AK4: variants seen among roughly 807,000 people sequenced by gnomAD.
AK4 encodes the protein adenylate kinase 4, mitochondrial.
Under a neutral mutation model 24.6 loss-of-function variants are expected in AK4, and 13 were observed. That is an observed-to-expected ratio of 0.53 (90% CI 0.34 to 0.84). The LOEUF (loss-of-function observed/expected upper bound fraction) is 0.84. Among genes scored for constraint, AK4 ranks in the 40% least tolerant of loss-of-function variants. The pLI is 0.01. For synonymous variants in AK4, 88 were observed against 107.0 expected (o/e 0.82, Z 1.10); for missense variants, 192 against 288.2 (o/e 0.67, Z 2.42).
chr1:65,148,187 G>T, upstream of AK4: 1 of 955,348 alleles, frequency 1.0e-6, no homozygotes, highest in Non-Finnish European at 1.5e-6. Flanking sequence ...GGGCGGGGAG[G>T]TGTAGCGTGG....
chr1:65,177,014 A>T (rs1650740525), intron 1 of AK4, among the ~76,000 whole-genome samples: 1 of 152,224 alleles, frequency 6.6e-6, no homozygotes, highest in Non-Finnish European at 1.5e-5. Context: ...TTCGAGCTCA[A>T]ATCTAGGTTA....
In AK4 at chr1:65,230,802, T is replaced by TG. The variant is rs1464523139; in HGVS notation, c.*4626dup. The TG allele has an allele frequency of 6.6e-6, 1 of 152,230 alleles. No homozygotes were observed. Among genetic ancestry groups the TG allele is most frequent in the Non-Finnish European group, 1.5e-5 (1 of 68,044 alleles). 9.4% of individuals were successfully genotyped at this position (152,230 alleles called of 1,614,324 possible). A position where few individuals can be genotyped will look rare whatever the true frequency, so the allele number is the denominator to read the frequency against. On this transcript the variant is annotated 3_prime_UTR_variant, in exon 5 of 5. Coordinates refer to ENST00000327299, the MANE Select transcript of AK4 (RefSeq NM_013410.4). ...GGGCACTCAGAGTCACACTGGTAGTTGCACACTGTATCTACAGAGGGCGTG... is the reference window on the plus strand; with the variant it reads ...GGGCACTCAGAGTCACACTGGTAGTTGGCACACTGTATCTACAGAGGGCGTG...
intron 1 of AK4, among the ~76,000 whole-genome samples, chr1:65,178,856 G>T (rs1314011908): frequency 6.6e-6 from 1 of 152,158 alleles, no homozygotes; most frequent in Non-Finnish European, 1.5e-5. Flanking sequence ...GGAAATGAGG[G>T]TGGGAGGTGA....
At chr1:65,198,604 G>A (rs1283803521) in intron 2 of AK4, among the ~76,000 whole-genome samples, 1 of 152,100 alleles carries the variant, frequency 6.6e-6, no homozygotes, top group African/African-American at 2.4e-5. Context: ...TGTTCCAAGA[G>A]GTAAGTGGAA....
chr1:65,152,455 T>C (rs989508647), intron 1 of AK4, among the ~76,000 whole-genome samples: 10 of 128,472 alleles, frequency 7.8e-5, no homozygotes, highest in Non-Finnish European at 1.4e-4. Context: ...CAGGCCGGAG[T>C]GCAGTGGCAC....
chr1:65,219,831 C>G (rs893487289), intron 3 of AK4, among the ~76,000 whole-genome samples: 6 of 152,156 alleles, frequency 3.9e-5, no homozygotes, highest in Admixed American at 1.3e-4. Context: ...ATTTTTCCAT[C>G]ATTACTGCAT....
chr1:65,153,236 C>T (rs1649860594), intron 1 of AK4, among the ~76,000 whole-genome samples: 1 of 152,206 alleles, frequency 6.6e-6, no homozygotes, highest in Non-Finnish European at 1.5e-5. Flanking sequence ...GCCACATGTA[C>T]ATCTGAATCT....
chr1:65,173,053 AG>A (rs1451405309), intron 1 of AK4, among the ~76,000 whole-genome samples: 6 of 151,936 alleles, frequency 3.9e-5, no homozygotes, highest in Admixed American at 3.3e-4. Flanking sequence ...TAGTGGAGAC[AG>A]GGTTTCACCA....
intron 1 of AK4, among the ~76,000 whole-genome samples, chr1:65,170,097 C>G (rs574844061): frequency 3.3e-5 from 5 of 152,106 alleles, no homozygotes; most frequent in Non-Finnish European, 5.9e-5. Context: ...TCAGTTTTGG[C>G]CAGGCGTGGT....
intron 2 of AK4, among the ~76,000 whole-genome samples, chr1:65,191,550 T>C (rs1222537683): frequency 2.0e-5 from 3 of 151,576 alleles, no homozygotes; most frequent in African/African-American, 7.3e-5. Flanking sequence ...AGGTAGGTTT[T>C]TTTTTTTCAG....
intron 3 of AK4, among the ~76,000 whole-genome samples, chr1:65,222,663 T>C (rs1386243442): frequency 1.3e-5 from 2 of 152,244 alleles, no homozygotes; most frequent in Non-Finnish European, 2.9e-5. Context: ...CCATCTCTCT[T>C]GTCATGTTGG....
chr1:65,149,249 C>T (rs892408759), intron 1 of AK4: 1 of 152,340 alleles, frequency 6.6e-6, no homozygotes, highest in Non-Finnish European at 1.5e-5. Context: ...TGCAGCTTTC[C>T]TGGAAATGGC....
At chr1:65,177,801 C>T (rs1195503815) in intron 1 of AK4, among the ~76,000 whole-genome samples, 3 of 152,110 alleles carry the variant, frequency 2.0e-5, no homozygotes, top group Middle Eastern at 3.2e-3. Flanking sequence ...ACTGAAGCAA[C>T]GGTTGTGAGA....
At chr1:65,176,632 C>T (rs990331741) in intron 1 of AK4, among the ~76,000 whole-genome samples, 2 of 152,166 alleles carry the variant, frequency 1.3e-5, no homozygotes, top group East Asian at 1.9e-4. Flanking sequence ...GTCCTCTACC[C>T]TTCACACAAG....
Position 65,198,697 on chromosome 1 carries a change from C to T in AK4, c.265+7868C>T, listed in dbSNP as rs147156730. 9.5e-3 allele frequency among the ~76,000 whole-genome samples: 1,439 copies of T among 150,894 alleles called. 11 individuals carry two copies. The highest frequency in any genetic ancestry group is 0.018 in the Middle Eastern group (5 of 284). ...GGGTGTGTGTTTAGATTAGTCTTAG[C>T]GCTACATTTTTGGAAACTCTATCCA... On this transcript the variant is annotated intron_variant, in intron 2 of 4. Coordinates refer to ENST00000327299, the MANE Select transcript of AK4 (RefSeq NM_013410.4).
intron 1 of AK4, among the ~76,000 whole-genome samples, chr1:65,189,860 A>G (rs753333431): frequency 1.3e-5 from 2 of 152,228 alleles, no homozygotes; most frequent in Non-Finnish European, 2.9e-5. Flanking sequence ...TTGGCATTCC[A>G]CTAACAACAC....
intron 1 of AK4, among the ~76,000 whole-genome samples, chr1:65,177,161 T>C (rs990504246): frequency 5.9e-5 from 9 of 152,156 alleles, no homozygotes; most frequent in African/African-American, 2.2e-4. Flanking sequence ...ATGAGCTAAA[T>C]ATTGCAGACT....
intron 2 of AK4, among the ~76,000 whole-genome samples, chr1:65,213,691 A>G (rs1652039772): frequency 6.6e-6 from 1 of 152,116 alleles, no homozygotes; most frequent in African/African-American, 2.4e-5. Context: ...TTAATCCTCA[A>G]ACTGCCCTGT....
At chr1:65,161,942 C>A (rs762258641) in intron 1 of AK4, among the ~76,000 whole-genome samples, 3 of 152,080 alleles carry the variant, frequency 2.0e-5, no homozygotes, top group Non-Finnish European at 2.9e-5. Flanking sequence ...GGGTAGGAGT[C>A]AGGCGTGTGA....
Sources: gnomAD v4.1 joint callset for allele counts (sites outside exome capture counted in the v4.1 genomes callset) on GRCh38, gnomAD v4.1.1 for gene constraint, MANE v1.5 for transcripts, NCBI Gene and HGNC (gene_info 2026-07-23, HGNC 2026-07-21) for gene names.